TNFRSF13C: variants seen among roughly 807,000 people sequenced by gnomAD.
TNFRSF13C encodes the protein TNF receptor superfamily member 13C.
A neutral mutation model predicts 12.1 loss-of-function variants in TNFRSF13C; 7 were observed. The observed-to-expected ratio is 0.58, with a 90% CI of 0.33 to 1.08. TNFRSF13C has a LOEUF of 1.08. Ranked by LOEUF, TNFRSF13C falls within the 50% of genes least tolerant of loss-of-function variation. The pLI is 0.04. For missense variants in TNFRSF13C, 260 were observed against 265.9 expected, an observed-to-expected ratio of 0.98 and a Z score of 0.15; for synonymous variants, 157 against 130.8, an observed-to-expected ratio of 1.20 and a Z score of -1.37.
At position 41,926,101 on chromosome 22, in the gene TNFRSF13C, C is replaced by A. The variant is rs1303897969; in HGVS notation, c.367G>T (p.Ala123Ser). 6.2e-7 allele frequency: 1 copy of A among 1,612,580 alleles called. No individual in the cohort carries two copies. The highest frequency in any genetic ancestry group is 2.2e-5 in the East Asian group (1 of 44,870). Residue 123 changes from alanine (A) to serine (S), a missense_variant and splice_region_variant, in exon 2 of 3, where the codon GCC becomes TCC. By Grantham distance (99) the Ala-to-Ser change is moderately conservative (BLOSUM62 1). Transcript: ENST00000291232. This position sits in a 1 kb window ranked among gnomAD's most constrained non-coding sequence, Gnocchi z 4.9. ...SAEAPDGDKD[A>S]PEPLDKVIIL... is the part of the protein sequence containing the mutation. ...TGGTTCCCCTACACACGGAACTCAC[C>A]GTCCTTGTCTCCGTCGGGGGCCTCT...
Position 41,925,131 on chromosome 22 carries a change from A to G in TNFRSF13C, c.*236T>C. 1 of 505,212 alleles carries G rather than the reference A, an allele frequency of 2.0e-6. No homozygotes were observed. The highest frequency in any genetic ancestry group is 3.0e-5 in the South Asian group (1 of 33,876). The allele number at this position is 505,212 out of a possible 1,614,324, so 31.3% of individuals were successfully genotyped here. A position where few individuals can be genotyped will look rare whatever the true frequency, so the allele number is the denominator to read the frequency against. ...AGCCTTTTGAAGGCACAGGAACAGG[A>G]GCTGGGCTACCACCTTCAAGGGCTG... is the stretch of plus-strand genomic sequence containing the variant. On this transcript the variant is annotated 3_prime_UTR_variant, in exon 3 of 3. Coordinates refer to ENST00000291232, the MANE Select transcript of TNFRSF13C (RefSeq NM_052945.4).
chr22:41,925,254 C>T lies in TNFRSF13C; in HGVS notation c.*113G>A, dbSNP rs550105406. The T allele has an allele frequency of 9.6e-5, 112 of 1,172,676 alleles. No homozygotes were observed. Among genetic ancestry groups the T allele is most frequent in the Non-Finnish European group, 1.2e-4 (105 of 849,154 alleles). 72.6% of individuals were successfully genotyped at this position (1,172,676 alleles called of 1,614,324 possible). ...GTGTCTGTGCTTCTGCAGAGTTAGC[C>T]TGGTCCCAGAAAGAGGGCATGTGCA... is the stretch of plus-strand genomic sequence containing the variant. On this transcript the variant is annotated 3_prime_UTR_variant, in exon 3 of 3. Transcript: ENST00000291232.
At position 41,926,726 on chromosome 22, in the gene TNFRSF13C, G is replaced by A. The variant is rs914121707; in HGVS notation, c.48C>T (p.Pro16=). The change falls in exon 1 of 3, where the codon CCC becomes CCT. Residue 16 remains proline, a synonymous_variant. Coordinates refer to ENST00000291232, the MANE Select transcript of TNFRSF13C (RefSeq NM_052945.4). The surrounding 1 kb of genome is among the most constrained non-coding windows in gnomAD (Gnocchi z 4.9). Reference sequence around the variant, plus strand: ...AGCACTCGGCCGGGACGCAGGGCGTGGGGGCTGGCGCGTCCCTGCCCCGCA... The same window carrying A: ...AGCACTCGGCCGGGACGCAGGGCGTAGGGGCTGGCGCGTCCCTGCCCCGCA... The part of the protein sequence containing the change: ...RSLRGRDAPA[P]TPCVPAECFD... 2.1e-6 allele frequency: 3 copies of A among 1,422,948 alleles called. No individual in the cohort carries two copies. Among genetic ancestry groups the A allele is most frequent in the Admixed American group, 5.7e-5 (2 of 35,210 alleles). The allele number at this position is 1,422,948 out of a possible 1,614,324, so 88.1% of individuals were successfully genotyped here. A position where few individuals can be genotyped will look rare whatever the true frequency, so the allele number is the denominator to read the frequency against.
Position 41,922,791 on chromosome 22 carries a change from G to A in TNFRSF13C, c.*2576C>T, listed in dbSNP as rs1384662067. On this transcript the variant is annotated 3_prime_UTR_variant, in exon 3 of 3. Coordinates refer to ENST00000291232, the MANE Select transcript of TNFRSF13C (RefSeq NM_052945.4). ...GTCAAGAGAAGATGGGGTGGGAGAT[G>A]GGGTGGCCAGGAGAAGATGGGGTGG... The A allele has an allele frequency of 2.4e-4, 35 of 148,798 alleles. No homozygotes were observed. The highest frequency in any genetic ancestry group is 2.3e-3 in the Admixed American group (34 of 14,946). 9.2% of individuals were successfully genotyped at this position (148,798 alleles called of 1,614,324 possible). A position where few individuals can be genotyped will look rare whatever the true frequency, so the allele number is the denominator to read the frequency against.
Position 41,925,217 on chromosome 22 carries a change from C to T in TNFRSF13C, c.*150G>A. ...CACCAAACTCCATGGGGGCTGAATG[C>T]TGTGGTCTGTAGTGTCTGTGCTTCT... On this transcript the variant is annotated 3_prime_UTR_variant, in exon 3 of 3. Coordinates refer to ENST00000291232, the MANE Select transcript of TNFRSF13C (RefSeq NM_052945.4). 1.2e-6 allele frequency: 1 copy of T among 849,798 alleles called. No homozygotes were observed. Among genetic ancestry groups the T allele is most frequent in the Non-Finnish European group, 1.8e-6 (1 of 565,474 alleles). The allele number at this position is 849,798 out of a possible 1,614,324, so 52.6% of individuals were successfully genotyped here. A position where few individuals can be genotyped will look rare whatever the true frequency, so the allele number is the denominator to read the frequency against.
rs1013387691 is a variant in TNFRSF13C, at chr22:41,925,530, A to G, written c.392T>C (p.Ile131Thr). Reference protein sequence around the residue: ...KDAPEPLDKVIILSPGISDAT... With the variant: ...KDAPEPLDKVTILSPGISDAT... Reference sequence around the variant, plus strand: ...ATCAGAGATTCCCGGAGACAGAATGATGACCTTGTCCAGGGGCTCTGGGGC... The same window carrying G: ...ATCAGAGATTCCCGGAGACAGAATGGTGACCTTGTCCAGGGGCTCTGGGGC... Residue 131 changes from isoleucine (I) to threonine (T), a missense_variant, in exon 3 of 3, where the codon ATC (isoleucine) becomes ACC (threonine). Transcript: ENST00000291232. The G allele has an allele frequency of 6.2e-7, 1 of 1,613,174 alleles. No homozygotes were observed. Among genetic ancestry groups the G allele is most frequent in the African/African-American group, 1.3e-5 (1 of 74,890 alleles).
rs2077628062 is a variant in TNFRSF13C at position 41,926,105 on chromosome 22, C to A, written c.363G>T (p.Lys121Asn). Residue 121 changes from lysine (K) to asparagine (N), a missense_variant, in exon 2 of 3, where the codon AAG (lysine) becomes AAT (asparagine). Transcript: ENST00000291232. This position sits in a 1 kb window ranked among gnomAD's most constrained non-coding sequence, Gnocchi z 4.9. ...TCCCCTACACACGGAACTCACCGTC[C>A]TTGTCTCCGTCGGGGGCCTCTGCGG... is the stretch of plus-strand genomic sequence containing the variant. Reference protein sequence around the residue: ...ASSAEAPDGDKDAPEPLDKVI... With the variant: ...ASSAEAPDGDNDAPEPLDKVI... The A allele has an allele frequency of 6.2e-7, 1 of 1,612,620 alleles. No homozygotes were observed. The highest frequency in any genetic ancestry group is 8.5e-7 in the Non-Finnish European group (1 of 1,179,852).
rs757492824 is a variant in TNFRSF13C at position 41,922,914 on chromosome 22, G to A, written c.*2453C>T. On this transcript the variant is annotated 3_prime_UTR_variant, in exon 3 of 3. Transcript: ENST00000291232. ...CCAGATGGAAGGGGAGTGGATGGCTGGGCCCATGTGGGCCTGACCCCACCA... is the reference window on the plus strand; with the variant it reads ...CCAGATGGAAGGGGAGTGGATGGCTAGGCCCATGTGGGCCTGACCCCACCA... The A allele has an allele frequency of 2.5e-4, 38 of 152,586 alleles. No individual in the cohort carries two copies. Among genetic ancestry groups the A allele is most frequent in the Admixed American group, 7.8e-4 (12 of 15,306 alleles). 9.5% of individuals were successfully genotyped at this position (152,586 alleles called of 1,614,324 possible). A position where few individuals can be genotyped will look rare whatever the true frequency, so the allele number is the denominator to read the frequency against.
rs1207494540 is a variant in TNFRSF13C, at chr22:41,925,346, C to G, written c.*21G>C. On this transcript the variant is annotated 3_prime_UTR_variant, in exon 3 of 3. Transcript: ENST00000291232. ...TGGGGGTCCAGAGGGAGGGCAGGGG[C>G]CACCTCCTGCCGGCTCCCTGCTATT... is the stretch of plus-strand genomic sequence containing the variant. 8 of 1,589,310 alleles carry G rather than the reference C, an allele frequency of 5.0e-6. No individual in the cohort carries two copies. The highest frequency in any genetic ancestry group is 6.8e-6 in the Non-Finnish European group (8 of 1,171,542).
At position 41,923,856 on chromosome 22, in the gene TNFRSF13C, C is replaced by G. The variant is rs2077616457; in HGVS notation, c.*1511G>C. 1 of 152,168 alleles carries G rather than the reference C, an allele frequency of 6.6e-6. No homozygotes were observed. The highest frequency in any genetic ancestry group is 1.5e-5 in the Non-Finnish European group (1 of 68,038). 9.4% of individuals were successfully genotyped at this position (152,168 alleles called of 1,614,324 possible). A position where few individuals can be genotyped will look rare whatever the true frequency, so the allele number is the denominator to read the frequency against. On this transcript the variant is annotated 3_prime_UTR_variant, in exon 3 of 3. Coordinates refer to ENST00000291232, the MANE Select transcript of TNFRSF13C (RefSeq NM_052945.4). Reference sequence around the variant, plus strand: ...TGGCTCTGGAAGCTGCCACTGGGGTCAAAATGGCATCTTAGGTTCTGGCAG... The same window carrying G: ...TGGCTCTGGAAGCTGCCACTGGGGTGAAAATGGCATCTTAGGTTCTGGCAG...
Position 41,924,655 on chromosome 22 carries a change from A to C in TNFRSF13C, c.*712T>G, listed in dbSNP as rs950058628. On this transcript the variant is annotated 3_prime_UTR_variant, in exon 3 of 3. Coordinates refer to ENST00000291232, the MANE Select transcript of TNFRSF13C (RefSeq NM_052945.4). The stretch of plus-strand genomic sequence containing the variant: ...ACAGCAAGACCCTGTCTCAAAAAAA[A>C]CCAAAACACAAAACAAGGCCGGGCA... 3 of 151,660 alleles carry C rather than the reference A, an allele frequency of 2.0e-5. No individual in the cohort carries two copies. Among genetic ancestry groups the C allele is most frequent in the Non-Finnish European group, 2.9e-5 (2 of 68,092 alleles). 9.4% of individuals were successfully genotyped at this position (151,660 alleles called of 1,614,324 possible). A position where few individuals can be genotyped will look rare whatever the true frequency, so the allele number is the denominator to read the frequency against.
Position 41,923,866 on chromosome 22 carries a change from T to A in TNFRSF13C, c.*1501A>T, listed in dbSNP as rs1483171497. On this transcript the variant is annotated 3_prime_UTR_variant, in exon 3 of 3. Coordinates refer to ENST00000291232, the MANE Select transcript of TNFRSF13C (RefSeq NM_052945.4). ...AGCTGCCACTGGGGTCAAAATGGCA[T>A]CTTAGGTTCTGGCAGATTGGGCCAA... is the stretch of plus-strand genomic sequence containing the variant. 6.6e-6 allele frequency: 1 copy of A among 152,176 alleles called. No individual in the cohort carries two copies. Among genetic ancestry groups the A allele is most frequent in the Non-Finnish European group, 1.5e-5 (1 of 68,026 alleles). 9.4% of individuals were successfully genotyped at this position (152,176 alleles called of 1,614,324 possible).
chr22:41,922,336 A>G lies in TNFRSF13C; in HGVS notation c.*3031T>C, dbSNP rs2077610271. ...CTCCAGGTGCTCTTATGAAGATCAAATGAGGTATTGATGTGACGGCTCTGG... is the reference window on the plus strand; with the variant it reads ...CTCCAGGTGCTCTTATGAAGATCAAGTGAGGTATTGATGTGACGGCTCTGG... On this transcript the variant is annotated 3_prime_UTR_variant, in exon 3 of 3. Transcript: ENST00000291232. 6.6e-6 allele frequency: 1 copy of G among 152,196 alleles called. No individual in the cohort carries two copies. The highest frequency in any genetic ancestry group is 1.5e-5 in the Non-Finnish European group (1 of 68,034). The allele number at this position is 152,196 out of a possible 1,614,324, so 9.4% of individuals were successfully genotyped here.
rs183879206 is a variant in TNFRSF13C at position 41,925,263 on chromosome 22, G to C, written c.*104C>G. The C allele has an allele frequency of 3.1e-5, 39 of 1,247,480 alleles. No individual in the cohort carries two copies. In the East Asian group the frequency reaches 6.6e-4, roughly 21 times the overall value. The allele number at this position is 1,247,480 out of a possible 1,614,324, so 77.3% of individuals were successfully genotyped here. A position where few individuals can be genotyped will look rare whatever the true frequency, so the allele number is the denominator to read the frequency against. ...CTTCTGCAGAGTTAGCCTGGTCCCAGAAAGAGGGCATGTGCATGCTGGAGT... is the reference window on the plus strand; with the variant it reads ...CTTCTGCAGAGTTAGCCTGGTCCCACAAAGAGGGCATGTGCATGCTGGAGT... On this transcript the variant is annotated 3_prime_UTR_variant, in exon 3 of 3. Transcript: ENST00000291232.
Position 41,926,109 on chromosome 22 carries a change from T to G in TNFRSF13C, c.359A>C (p.Asp120Ala), listed in dbSNP as rs1305173654. The change falls in exon 2 of 3, where the codon GAC becomes GCC. Residue 120 changes from aspartate (D) to alanine (A), a missense_variant. By Grantham distance (126) the Asp-to-Ala change is moderately radical. Coordinates refer to ENST00000291232, the MANE Select transcript of TNFRSF13C (RefSeq NM_052945.4). The surrounding 1 kb of genome is among the most constrained non-coding windows in gnomAD (Gnocchi z 4.9). ...CTACACACGGAACTCACCGTCCTTG[T>G]CTCCGTCGGGGGCCTCTGCGGAGGA... ...GASSAEAPDG[D>A]KDAPEPLDKV... 7 of 1,612,414 alleles carry G rather than the reference T, an allele frequency of 4.3e-6. No individual in the cohort carries two copies. The highest frequency in any genetic ancestry group is 5.9e-6 in the Non-Finnish European group (7 of 1,179,830).
Position 41,926,293 on chromosome 22 carries a change from G to A in TNFRSF13C, c.175C>T (p.Pro59Ser). The A allele has an allele frequency of 6.8e-7, 1 of 1,480,930 alleles. No individual in the cohort carries two copies. The highest frequency in any genetic ancestry group is 8.9e-7 in the Non-Finnish European group (1 of 1,124,094). The allele number at this position is 1,480,930 out of a possible 1,614,324, so 91.7% of individuals were successfully genotyped here. A position where few individuals can be genotyped will look rare whatever the true frequency, so the allele number is the denominator to read the frequency against. Residue 59 changes from proline to serine, a missense_variant, in exon 2 of 3, where the codon CCG (proline) becomes TCG (serine). Coordinates refer to ENST00000291232, the MANE Select transcript of TNFRSF13C (RefSeq NM_052945.4). This position sits in a 1 kb window ranked among gnomAD's most constrained non-coding sequence, Gnocchi z 4.9. ...SSPAPRTALQ[P>S]QESVGAGAGE... ...GCCCCCGCGCCCACCGACTCCTGCG[G>A]CTGCAGCGCCGTCCTGGGCGCAGGG...
rs2077629096 is a variant in TNFRSF13C at position 41,926,203 on chromosome 22, G to GCGCCAGGACCAT, written c.264_265insATGGTCCTGGCG (p.Ala88_Leu89insMetValLeuAla). 1.2e-6 allele frequency: 2 copies of GCGCCAGGACCAT among 1,606,768 alleles called. No individual in the cohort carries two copies. Among genetic ancestry groups the GCGCCAGGACCAT allele is most frequent in the Admixed American group, 3.3e-5 (2 of 59,826 alleles). Reference sequence around the variant, plus strand: ...CCCACCAGGACCAGCGCCAGGACCAGTGCCAGGCCCAGCAGCGCGGGGGCG... The same window carrying GCGCCAGGACCAT: ...CCCACCAGGACCAGCGCCAGGACCAGCGCCAGGACCATTGCCAGGCCCAGCAGCGCGGGGGCG... On this transcript the variant is annotated inframe_insertion, in exon 2 of 3. Coordinates refer to ENST00000291232, the MANE Select transcript of TNFRSF13C (RefSeq NM_052945.4). The surrounding 1 kb of genome is among the most constrained non-coding windows in gnomAD (Gnocchi z 4.9).
chr22:41,923,410 C>T lies in TNFRSF13C; in HGVS notation c.*1957G>A. On this transcript the variant is annotated 3_prime_UTR_variant, in exon 3 of 3. Transcript: ENST00000291232. ...CAGGTAGGAGGCGGCTGACTGAGTG[C>T]ACAGTGTCGTCCAGGAGTGGAAAGA... is the stretch of plus-strand genomic sequence containing the variant. 6.5e-6 allele frequency: 1 copy of T among 154,738 alleles called. No individual in the cohort carries two copies. Among genetic ancestry groups the T allele is most frequent in the South Asian group, 2.0e-4 (1 of 4,924 alleles). 9.6% of individuals were successfully genotyped at this position (154,738 alleles called of 1,614,324 possible). A position where few individuals can be genotyped will look rare whatever the true frequency, so the allele number is the denominator to read the frequency against.
Position 41,922,718 on chromosome 22 carries a change from G to A in TNFRSF13C, c.*2649C>T, listed in dbSNP as rs1330451446. ...GAAGATGGGGTGGCCAGGAGAAGAT[G>A]GGGTGGGAGATGGGGTGGCCAGGAG... On this transcript the variant is annotated 3_prime_UTR_variant, in exon 3 of 3. Coordinates refer to ENST00000291232, the MANE Select transcript of TNFRSF13C (RefSeq NM_052945.4). The A allele has an allele frequency of 2.0e-5, 3 of 147,366 alleles. No homozygotes were observed. The highest frequency in any genetic ancestry group is 3.0e-5 in the Non-Finnish European group (2 of 66,684). The allele number at this position is 147,366 out of a possible 1,614,324, so 9.1% of individuals were successfully genotyped here.
Sources: allele counts gnomAD v4.1 joint callset, GRCh38; gene constraint gnomAD v4.1.1; non-coding constraint Gnocchi (gnomAD v3.1); transcripts MANE v1.5; gene names NCBI Gene and HGNC (gene_info 2026-07-23, HGNC 2026-07-21).